The following PIP5K1C variants were observed in gnomAD, a reference collection of about 807,000 sequenced individuals.
PIP5K1C encodes the protein phosphatidylinositol-4-phosphate 5-kinase type 1 gamma.
Under a neutral mutation model 80.1 loss-of-function variants are expected in PIP5K1C, and 45 were observed. That is an observed-to-expected ratio of 0.56 (90% CI 0.44 to 0.72). PIP5K1C has a LOEUF of 0.72. PIP5K1C is among the 30% of genes least tolerant of loss of function. The probability of loss-of-function intolerance (pLI) is 0.00; values close to 1 mark genes in which losing one functional copy is unlikely to be tolerated. For missense variants in PIP5K1C, 753 were observed against 954.6 expected (o/e 0.79, Z 2.78); for synonymous variants, 498 against 420.1 (o/e 1.19, Z -2.27).
At chr19:3,671,810 G>A (rs1418352701) in intron 1 of PIP5K1C, among the ~76,000 whole-genome samples, 1 of 152,240 alleles carries the variant, frequency 6.6e-6, no homozygotes, top group Non-Finnish European at 1.5e-5. Flanking sequence ...CCCGCTCAGG[G>A]CACAGAGCCT....
chr19:3,699,992 G>A (rs2036245977), intron 1 of PIP5K1C, among the ~76,000 whole-genome samples: 1 of 152,146 alleles, frequency 6.6e-6, no homozygotes, highest in Non-Finnish European at 1.5e-5. Context: ...CCAAGCAGCC[G>A]CCACTCACAC....
At position 3,648,678 on chromosome 19, in the gene PIP5K1C, G is replaced by A. The variant is rs373869904; in HGVS notation, c.1158C>T (p.Arg386=). ...CAATGTGCAGCAGCAGCCGCTCCCC[G>A]CGGCCGTTCACAGCGGGGATCCCGC... The part of the protein sequence containing the change: ...TMGGIPAVNG[R]GERLLLHIGI... The change falls in exon 9 of 18, where the codon CGC becomes CGT. Residue 386 remains arginine, a synonymous_variant. Transcript: ENST00000335312. The surrounding 1 kb of genome is among the most constrained non-coding windows in gnomAD (Gnocchi z 4.3). 2.2e-5 allele frequency: 36 copies of A among 1,612,916 alleles called. No homozygotes were observed. The highest frequency in any genetic ancestry group is 2.7e-5 in the Non-Finnish European group (32 of 1,179,902).
intron 9 of PIP5K1C, among the ~76,000 whole-genome samples, chr19:3,647,783 C>A (rs1329759161): frequency 6.6e-6 from 1 of 152,192 alleles, no homozygotes; most frequent in Non-Finnish European, 1.5e-5. Context: ...CCCATCTCTA[C>A]TAAAAATACA....
At chr19:3,681,713 G>T (rs946273012) in intron 1 of PIP5K1C, among the ~76,000 whole-genome samples, 3 of 152,098 alleles carry the variant, frequency 2.0e-5, no homozygotes, top group African/African-American at 4.8e-5. Flanking sequence ...CTAGTCAAAG[G>T]CAGCAACATT....
At position 3,696,930 on chromosome 19, in the gene PIP5K1C, G is replaced by A. The variant is rs2036128497; in HGVS notation, c.94+3367C>T. On this transcript the variant is annotated intron_variant, in intron 1 of 17. Coordinates refer to ENST00000335312, the MANE Select transcript of PIP5K1C (RefSeq NM_012398.3). The surrounding 1 kb of genome is among the most constrained non-coding windows in gnomAD (Gnocchi z 4.1). Reference sequence around the variant, plus strand: ...GGGACAGGGAGCAGAGGAAGAGCAGGGGCGCCAGGCCTGGCTCAGGGGGCA... The same window carrying A: ...GGGACAGGGAGCAGAGGAAGAGCAGAGGCGCCAGGCCTGGCTCAGGGGGCA... Among the ~76,000 whole-genome samples, 1 of 152,200 alleles carries A rather than the reference G, an allele frequency of 6.6e-6. No individual in the cohort carries two copies. The highest frequency in any genetic ancestry group is 1.5e-5 in the Non-Finnish European group (1 of 68,026).
chr19:3,632,908 C>T lies in PIP5K1C; in HGVS notation c.*259G>A. ...CACACACGTGCTTCCGTCTCTGTGC[C>T]AAATAAGGACTCAAATGCGATTGGC... is the stretch of plus-strand genomic sequence containing the variant. On this transcript the variant is annotated 3_prime_UTR_variant, in exon 18 of 18. Transcript: ENST00000335312. 3.9e-6 allele frequency: 2 copies of T among 516,376 alleles called. No homozygotes were observed. Among genetic ancestry groups the T allele is most frequent in the Non-Finnish European group, 6.8e-6 (2 of 293,100 alleles). The allele number at this position is 516,376 out of a possible 1,614,324, so 32.0% of individuals were successfully genotyped here.
chr19:3,648,030 C>CA lies in PIP5K1C; in HGVS notation c.1211+594_1211+595insT, dbSNP rs1169450367. Among the ~76,000 whole-genome samples, 2 of 149,794 alleles carry CA rather than the reference C, an allele frequency of 1.3e-5. No homozygotes were observed. The highest frequency in any genetic ancestry group is 4.2e-4 in the South Asian group (2 of 4,760). Reference sequence around the variant, plus strand: ...ACCCACTCCTTGGATTTTCTTTTTTCTTTTTTTTTGGGACAGGGTCTTGCT... The same window carrying CA: ...ACCCACTCCTTGGATTTTCTTTTTTCATTTTTTTTTGGGACAGGGTCTTGCT... On this transcript the variant is annotated intron_variant, in intron 9 of 17. Transcript: ENST00000335312. The surrounding 1 kb of genome is among the most constrained non-coding windows in gnomAD (Gnocchi z 4.3).
rs977356492 is a variant in PIP5K1C at position 3,637,168 on chromosome 19, C to G, written c.1920+1716G>C. The G allele has an allele frequency of 1.4e-6, 2 of 1,418,396 alleles. No homozygotes were observed. Among genetic ancestry groups the G allele is most frequent in the Admixed American group, 5.9e-5 (2 of 34,062 alleles). 87.9% of individuals were successfully genotyped at this position (1,418,396 alleles called of 1,614,324 possible). A position where few individuals can be genotyped will look rare whatever the true frequency, so the allele number is the denominator to read the frequency against. On this transcript the variant is annotated intron_variant, in intron 16 of 17. Coordinates refer to ENST00000335312, the MANE Select transcript of PIP5K1C (RefSeq NM_012398.3). This position sits in a 1 kb window ranked among gnomAD's most constrained non-coding sequence, Gnocchi z 7.0. The stretch of plus-strand genomic sequence containing the variant: ...GGGGCCACGGGCAGCCAGGTCTGCA[C>G]GAGTGAGAAGCGTCCACCCAAGACA...
chr19:3,666,149 G>A (rs1424250201), intron 2 of PIP5K1C, among the ~76,000 whole-genome samples: 1 of 152,254 alleles, frequency 6.6e-6, no homozygotes, highest in Non-Finnish European at 1.5e-5. Flanking sequence ...CAGGCCTGGT[G>A]GACAAAGCCC....
At chr19:3,681,253 T>C (rs1298718031) in intron 1 of PIP5K1C, among the ~76,000 whole-genome samples, 2 of 150,084 alleles carry the variant, frequency 1.3e-5, no homozygotes, top group Non-Finnish European at 3.0e-5. Context: ...TTTTTTGAGA[T>C]AGAGTCTCGT....
chr19:3,698,005 C>T (rs1347036518), intron 1 of PIP5K1C, among the ~76,000 whole-genome samples: 1 of 152,264 alleles, frequency 6.6e-6, no homozygotes, highest in African/African-American at 2.4e-5. Context: ...TCGGATCAGC[C>T]GAAATCGCCA....
In PIP5K1C at chr19:3,644,723, C is replaced by T. The variant is rs77812947; in HGVS notation, c.1346-472G>A. Among the ~76,000 whole-genome samples, 397 of 152,314 alleles carry T rather than the reference C, an allele frequency of 2.6e-3. 15 individuals are homozygous for T. The East Asian group carries it at 0.064, about 25-fold the overall frequency. On this transcript the variant is annotated intron_variant, in intron 11 of 17. Coordinates refer to ENST00000335312, the MANE Select transcript of PIP5K1C (RefSeq NM_012398.3). ...GATCCAGGCTCACCCGCTGGCTGTG[C>T]GGCTCGGTCTCTCTGGGCCCTGGGG...
intron 1 of PIP5K1C, among the ~76,000 whole-genome samples, chr19:3,679,191 AC>A (rs2035511730): frequency 1.3e-5 from 2 of 152,056 alleles, no homozygotes; most frequent in Non-Finnish European, 2.9e-5. Flanking sequence ...CTGAAGAAAC[AC>A]GGTTTTTGAG....
intron 1 of PIP5K1C, among the ~76,000 whole-genome samples, chr19:3,668,647 C>T (rs76753218): frequency 0.012 from 1,890 of 152,326 alleles, 18 homozygotes; most frequent in Middle Eastern, 0.027. Context: ...CTGCAGGGAT[C>T]GCACGTGCTG....
At chr19:3,694,335 G>A (rs956786299) in intron 1 of PIP5K1C, among the ~76,000 whole-genome samples, 7 of 152,098 alleles carry the variant, frequency 4.6e-5, no homozygotes, top group Non-Finnish European at 1.0e-4. Context: ...CCAGGCTCCC[G>A]GAGCCTCCAC....
intron 9 of PIP5K1C, 114 bp from the exon 10 acceptor site, chr19:3,647,500 C>G: frequency 2.2e-6 from 2 of 916,664 alleles, no homozygotes; most frequent in Non-Finnish European, 3.5e-6. Flanking sequence ...CTCAAGCAGT[C>G]GTGGCTGTCA....
chr19:3,659,144 C>T (rs922376575), intron 5 of PIP5K1C, among the ~76,000 whole-genome samples: 2 of 152,224 alleles, frequency 1.3e-5, no homozygotes, highest in Non-Finnish European at 2.9e-5. Flanking sequence ...GAGTCCCCTC[C>T]GAACCCTACC....
chr19:3,687,012 G>A (rs939741913), intron 1 of PIP5K1C, among the ~76,000 whole-genome samples: 2 of 152,098 alleles, frequency 1.3e-5, no homozygotes, highest in African/African-American at 4.8e-5. Context: ...GGCCAACATG[G>A]TAAAACCCTG....
chr19:3,682,305 C>G (rs1386428185), intron 1 of PIP5K1C, among the ~76,000 whole-genome samples: 1 of 148,878 alleles, frequency 6.7e-6, no homozygotes, highest in Non-Finnish European at 1.5e-5. Flanking sequence ...ACCCAGGAGG[C>G]AGAGGTTGCA....
Sources: gnomAD v4.1 joint callset for allele counts (sites outside exome capture counted in the v4.1 genomes callset) on GRCh38, gnomAD v4.1.1 for gene constraint, Gnocchi (gnomAD v3.1) non-coding constraint, MANE v1.5 for transcripts, NCBI Gene and HGNC (gene_info 2026-07-23, HGNC 2026-07-21) for gene names.